PIBF1: variants seen among roughly 807,000 people sequenced by gnomAD.
PIBF1 encodes progesterone-induced-blocking factor 1.
A neutral mutation model predicts 112.5 loss-of-function variants in PIBF1; 90 were observed. That is an observed-to-expected ratio of 0.80 (90% confidence interval 0.67 to 0.95). PIBF1 has a LOEUF of 0.95. Among genes scored for constraint, PIBF1 ranks in the 40% least tolerant of loss-of-function variants. The pLI, the probability that PIBF1 is intolerant of heterozygous loss-of-function variation, is 0.00. For missense variants in PIBF1, 915 were observed against 852.3 expected (o/e 1.07, Z -0.92); for synonymous variants, 301 against 288.6 (o/e 1.04, Z -0.44).
chr13:72,852,653 C>T (rs1275596649), intron 9 of PIBF1, among the ~76,000 whole-genome samples: 1 of 152,204 alleles, frequency 6.6e-6, no homozygotes, highest in Non-Finnish European at 1.5e-5. Flanking sequence ...CCTGTGACAG[C>T]ACCACCATGC....
chr13:72,931,192 A>T lies in PIBF1; in HGVS notation c.1758A>T (p.Gln586His), dbSNP rs1188012599. ...TTCACTTGGCAAGAAGAGTGCTTCAATTAGAAAAACAAAACTCGCTGATTT... is the reference window on the plus strand; with the variant it reads ...TTCACTTGGCAAGAAGAGTGCTTCATTTAGAAAAACAAAACTCGCTGATTT... ...QSVHLARRVL[Q>H]LEKQNSLILK... is the part of the protein sequence containing the mutation. The change falls in exon 14 of 18, where the codon CAA becomes CAT. Residue 586 changes from glutamine (Q) to histidine (H), a missense_variant. By Grantham distance (24) the Gln-to-His change is conservative (BLOSUM62 0). Transcript: ENST00000326291. 6.2e-7 allele frequency: 1 copy of T among 1,612,750 alleles called. No homozygotes were observed. The highest frequency in any genetic ancestry group is 1.3e-5 in the African/African-American group (1 of 74,902).
Position 72,955,869 on chromosome 13 carries a change from C to T in PIBF1, c.1834-9405C>T, listed in dbSNP as rs1005731178. 2.0e-5 allele frequency among the ~76,000 whole-genome samples: 3 copies of T among 152,190 alleles called. No individual in the cohort carries two copies. In the South Asian group the frequency reaches 6.2e-4, roughly 31 times the overall value. On this transcript the variant is annotated intron_variant, in intron 14 of 17. Coordinates refer to ENST00000326291, the MANE Select transcript of PIBF1 (RefSeq NM_006346.4). Reference sequence around the variant, plus strand: ...TTTTCCAATCTGTCAAGCCCCTCCTCGTTTTACTTTTCTTCCTGCCTATCC... The same window carrying T: ...TTTTCCAATCTGTCAAGCCCCTCCTTGTTTTACTTTTCTTCCTGCCTATCC...
intron 5 of PIBF1, among the ~76,000 whole-genome samples, chr13:72,811,780 G>A (rs1044388630): frequency 2.6e-5 from 4 of 151,902 alleles, no homozygotes; most frequent in African/African-American, 9.7e-5. Context: ...CTAAAAAATT[G>A]CTCCTTCACA....
intron 5 of PIBF1, among the ~76,000 whole-genome samples, chr13:72,802,551 A>G (rs1291490824): frequency 6.6e-6 from 1 of 152,150 alleles, no homozygotes; most frequent in African/African-American, 2.4e-5. Context: ...GAAAGATAGG[A>G]GTCAAATTAA....
chr13:72,906,953 A>G (rs1458557261), intron 11 of PIBF1, among the ~76,000 whole-genome samples: 2 of 152,158 alleles, frequency 1.3e-5, no homozygotes, highest in Admixed American at 1.3e-4. Context: ...TCCCAATGTA[A>G]TGAACTCCAT....
At chr13:72,853,959 T>C in intron 9 of PIBF1, 98 bp from the exon 10 acceptor site, 1 of 925,640 alleles carries the variant, frequency 1.1e-6, no homozygotes, top group South Asian at 1.5e-5. Flanking sequence ...CCCCAACTTC[T>C]CAGATGGGTC....
chr13:72,941,741 C>A (rs1450517017), intron 14 of PIBF1, among the ~76,000 whole-genome samples: 2 of 152,008 alleles, frequency 1.3e-5, no homozygotes, highest in East Asian at 3.9e-4. Flanking sequence ...ATAAAGTAGA[C>A]CTATATGTAT....
At chr13:72,902,877 G>A (rs1280166830) in intron 11 of PIBF1, among the ~76,000 whole-genome samples, 1 of 151,194 alleles carries the variant, frequency 6.6e-6, no homozygotes, top group Non-Finnish European at 1.5e-5. Flanking sequence ...AATATACATA[G>A]AAAAACATTT....
At chr13:72,986,054 A>G (rs922261622) in intron 16 of PIBF1, among the ~76,000 whole-genome samples, 4 of 151,868 alleles carry the variant, frequency 2.6e-5, no homozygotes, top group African/African-American at 9.7e-5. Context: ...TCCCAGCTTC[A>G]TGGGAGGCTG....
intron 10 of PIBF1, among the ~76,000 whole-genome samples, chr13:72,891,880 G>C (rs1184057113): frequency 6.6e-6 from 1 of 152,060 alleles, no homozygotes; most frequent in Non-Finnish European, 1.5e-5. Flanking sequence ...GTTATAAAAA[G>C]TAATGAAATG....
At chr13:72,947,590 A>G (rs1291549628) in intron 14 of PIBF1, among the ~76,000 whole-genome samples, 1 of 152,212 alleles carries the variant, frequency 6.6e-6, no homozygotes, top group Non-Finnish European at 1.5e-5. Context: ...TCCAAATTTT[A>G]TGCTCTACTT....
intron 13 of PIBF1, among the ~76,000 whole-genome samples, chr13:72,924,733 A>G (rs2041422596): frequency 6.6e-6 from 1 of 152,040 alleles, no homozygotes; most frequent in South Asian, 2.1e-4. Context: ...AAAAAAGAAG[A>G]TTTATTAAGT....
At chr13:73,000,432 A>G (rs769616457) in intron 17 of PIBF1, among the ~76,000 whole-genome samples, 1 of 152,200 alleles carries the variant, frequency 6.6e-6, no homozygotes. Context: ...CCCAGCCTAC[A>G]GAATGGCTGC....
At chr13:73,001,860 G>T (rs1238473632) in intron 17 of PIBF1, among the ~76,000 whole-genome samples, 1 of 152,096 alleles carries the variant, frequency 6.6e-6, no homozygotes, top group Non-Finnish European at 1.5e-5. Flanking sequence ...CTGACCTCGT[G>T]ATCTGCCCAC....
chr13:72,921,353 T>A (rs1389098162), intron 13 of PIBF1, among the ~76,000 whole-genome samples: 2 of 152,140 alleles, frequency 1.3e-5, no homozygotes, highest in African/African-American at 4.8e-5. Flanking sequence ...GCTCAGGCAA[T>A]CTGCCCACCA....
intron 14 of PIBF1, among the ~76,000 whole-genome samples, chr13:72,957,021 T>C (rs754948660): frequency 2.0e-5 from 3 of 152,144 alleles, no homozygotes; most frequent in East Asian, 1.9e-4. Flanking sequence ...AAAATAGATA[T>C]TGGCATGGAT....
chr13:72,981,395 A>G (rs1038417687), intron 16 of PIBF1, among the ~76,000 whole-genome samples: 2 of 152,158 alleles, frequency 1.3e-5, no homozygotes, highest in Non-Finnish European at 2.9e-5. Context: ...AAAGAAAGAG[A>G]TAATCAATTG....
Position 72,965,281 on chromosome 13 carries a change from G to A in PIBF1, c.1841G>A (p.Arg614Lys). The A allele has an allele frequency of 1.9e-6, 3 of 1,608,840 alleles. No individual in the cohort carries two copies. Among genetic ancestry groups the A allele is most frequent in the Non-Finnish European group, 2.5e-6 (3 of 1,178,420 alleles). ...QVTQLSQELDRANSLLNQTQQ... is the reference protein window; with the variant it reads ...QVTQLSQELDKANSLLNQTQQ... The stretch of plus-strand genomic sequence containing the variant: ...AAACCTGTGTTTCTTTAGCTTGACA[G>A]AGCCAATTCGCTATTAAACCAGACT... The change falls in exon 15 of 18, where the codon AGA becomes AAA. Residue 614 changes from arginine (R) to lysine (K), a missense_variant. Arg to Lys is a conservative substitution (Grantham distance 26). Coordinates refer to ENST00000326291, the MANE Select transcript of PIBF1 (RefSeq NM_006346.4).
intron 11 of PIBF1, among the ~76,000 whole-genome samples, chr13:72,901,442 A>G (rs1008058245): frequency 6.6e-6 from 1 of 152,174 alleles, no homozygotes; most frequent in Non-Finnish European, 1.5e-5. Flanking sequence ...TAATCCCAAC[A>G]CTTTGGGAGA....
Sources: gnomAD v4.1 joint callset for allele counts (sites outside exome capture counted in the v4.1 genomes callset) on GRCh38, gnomAD v4.1.1 for gene constraint, MANE v1.5 for transcripts, NCBI Gene and HGNC (gene_info 2026-07-23, HGNC 2026-07-21) for gene names.